Variants in PAK1 observed in about 807,000 individuals in gnomAD.
PAK1 encodes the protein serine/threonine-protein kinase PAK 1.
A neutral mutation model predicts 67.4 loss-of-function variants in PAK1; 29 were observed. The ratio of observed to expected loss-of-function variants is 0.43; its 90% CI spans 0.32 to 0.59. The LOEUF (loss-of-function observed/expected upper bound fraction) is 0.59, where lower values mean the gene tolerates loss of function less well. Ranked by LOEUF, PAK1 falls within the 20% of genes least tolerant of loss-of-function variation. The pLI is 0.07. For missense variants in PAK1, 337 were observed against 670.7 expected (o/e 0.50, Z 5.50); for synonymous variants, 223 against 237.4 (o/e 0.94, Z 0.56).
intron 1 of PAK1, among the ~76,000 whole-genome samples, chr11:77,425,525 G>A (rs927391698): frequency 2.6e-5 from 4 of 151,958 alleles, no homozygotes; most frequent in African/African-American, 9.7e-5. Context: ...CCAGCCCCAC[G>A]GCTATCTCTG....
intron 1 of PAK1, among the ~76,000 whole-genome samples, chr11:77,433,324 G>C (rs926845930): frequency 7.2e-5 from 11 of 152,016 alleles, no homozygotes; most frequent in Admixed American, 1.3e-4. Flanking sequence ...AACAAAAGAA[G>C]AACTAAATAA....
intron 1 of PAK1, among the ~76,000 whole-genome samples, chr11:77,449,060 T>C (rs1956739651): frequency 1.3e-5 from 2 of 152,238 alleles, no homozygotes; most frequent in Non-Finnish European, 1.5e-5. Context: ...GTCCCTCCTG[T>C]ACGTTTTGAA....
the PAK1 span, among the ~76,000 whole-genome samples, chr11:77,481,714 A>G: frequency 6.6e-6 from 1 of 150,768 alleles, no homozygotes; most frequent in South Asian, 2.1e-4. Context: ...TCTGAGTAGC[A>G]CAATTGCTAG....
intron 1 of PAK1, among the ~76,000 whole-genome samples, chr11:77,402,500 T>G (rs1008309288): frequency 1.3e-5 from 2 of 152,198 alleles, no homozygotes; most frequent in African/African-American, 4.8e-5. Flanking sequence ...TTCCCAATAA[T>G]TCAGGCAAAA....
chr11:77,401,626 A>C (rs1237648328), intron 1 of PAK1, among the ~76,000 whole-genome samples: 1 of 152,030 alleles, frequency 6.6e-6, no homozygotes, highest in Non-Finnish European at 1.5e-5. Flanking sequence ...CTATGCTTTC[A>C]TGTTCCTGCC....
the PAK1 span, among the ~76,000 whole-genome samples, chr11:77,528,768 G>T: frequency 7.9e-5 from 12 of 151,818 alleles, no homozygotes; most frequent in Non-Finnish European, 1.5e-4. Context: ...TTTATTTGAT[G>T]TTTTATATCC....
upstream of PAK1, chr11:77,475,303 C>T (rs568590782): frequency 5.3e-5 from 8 of 152,340 alleles, no homozygotes; most frequent in South Asian, 2.1e-4. Context: ...TTGCCTGTGT[C>T]GTCTTCTACT....
intron 5 of PAK1, among the ~76,000 whole-genome samples, chr11:77,364,827 T>G (rs1344553552): frequency 6.6e-6 from 1 of 151,960 alleles, no homozygotes; most frequent in Non-Finnish European, 1.5e-5. Flanking sequence ...TAACAACGAG[T>G]GAAATTCTCA....
At chr11:77,358,798 G>T in intron 6 of PAK1, 100 bp downstream of exon 6, 2 of 1,155,504 alleles carry the variant, frequency 1.7e-6, no homozygotes, top group Non-Finnish European at 1.3e-6. Context: ...ATCTAAGGAC[G>T]CCTACCAGAA....
intron 1 of PAK1, among the ~76,000 whole-genome samples, chr11:77,462,147 A>C (rs1345318886): frequency 6.6e-6 from 1 of 151,908 alleles, no homozygotes; most frequent in Non-Finnish European, 1.5e-5. Context: ...TAACACGGTG[A>C]AACCCCTTCT....
intron 5 of PAK1, among the ~76,000 whole-genome samples, chr11:77,372,436 G>C (rs189145068): frequency 2.6e-5 from 4 of 152,308 alleles, no homozygotes; most frequent in Admixed American, 2.6e-4. Flanking sequence ...GATTCAGAGA[G>C]TCAGTAAGAA....
chr11:77,518,389 A>C, the PAK1 span, among the ~76,000 whole-genome samples: 4 of 152,176 alleles, frequency 2.6e-5, no homozygotes, highest in African/African-American at 9.7e-5. Context: ...TAGAGAGGAG[A>C]GTGGTCACAC....
At chr11:77,442,789 A>G (rs112883027) in intron 1 of PAK1, among the ~76,000 whole-genome samples, 5 of 152,222 alleles carry the variant, frequency 3.3e-5, no homozygotes, top group African/African-American at 1.2e-4. Context: ...GGTTAACATC[A>G]GAAAGCCCCG....
intron 1 of PAK1, among the ~76,000 whole-genome samples, chr11:77,468,408 C>T (rs979393321): frequency 6.6e-6 from 1 of 152,066 alleles, no homozygotes; most frequent in South Asian, 2.1e-4. Flanking sequence ...ATGACTTTCC[C>T]CATCTCAAAA....
At chr11:77,526,277 A>G in the PAK1 span, among the ~76,000 whole-genome samples, 2 of 152,228 alleles carry the variant, frequency 1.3e-5, no homozygotes, top group Non-Finnish European at 2.9e-5. Context: ...AAATGTATGG[A>G]AAATTGATAA....
chr11:77,405,674 G>GACACACACACACACACACAC (rs1555167119), intron 1 of PAK1, among the ~76,000 whole-genome samples: 1 of 125,892 alleles, frequency 7.9e-6, no homozygotes, highest in African/African-American at 2.7e-5. Context: ...CAGACAGACA[G>GACACACACACACACACACAC]ACACACACAC....
chr11:77,463,527 A>G (rs970052848), intron 1 of PAK1, among the ~76,000 whole-genome samples: 6 of 152,170 alleles, frequency 3.9e-5, no homozygotes, highest in African/African-American at 1.4e-4. Flanking sequence ...CCACTTGGAA[A>G]CTTGTATTAA....
chr11:77,425,707 C>T (rs1955511089), intron 1 of PAK1, among the ~76,000 whole-genome samples: 1 of 152,152 alleles, frequency 6.6e-6, no homozygotes, highest in Admixed American at 6.5e-5. Context: ...AGTAAATGCT[C>T]GACAATTATT....
chr11:77,507,744 T>G, the PAK1 span, among the ~76,000 whole-genome samples: 1 of 152,102 alleles, frequency 6.6e-6, no homozygotes, highest in Non-Finnish European at 1.5e-5. Flanking sequence ...CTGGCTGGTC[T>G]TGAACTCCTG....
Sources: gnomAD v4.1 joint callset for allele counts (sites outside exome capture counted in the v4.1 genomes callset) on GRCh38, gnomAD v4.1.1 for gene constraint, MANE v1.5 for transcripts, NCBI Gene and HGNC (gene_info 2026-07-23, HGNC 2026-07-21) for gene names.